Variants in ARFIP1 observed in about 807,000 individuals in gnomAD.
ARFIP1 encodes the protein ARF interacting protein 1, also known as arfaptin-1.
In ARFIP1, 24 loss-of-function variants were observed where a neutral mutation model predicts 42.5. That is an observed-to-expected ratio of 0.57 (90% confidence interval 0.41 to 0.80). The LOEUF is 0.80. ARFIP1 is among the 30% of genes least tolerant of loss of function. The pLI, the probability that ARFIP1 is intolerant of heterozygous loss-of-function variation, is 0.00. For missense variants in ARFIP1, 354 were observed against 434.0 expected, an observed-to-expected ratio of 0.82 and a Z score of 1.64; for synonymous variants, 141 against 153.7, an observed-to-expected ratio of 0.92 and a Z score of 0.61.
intron 2 of ARFIP1, among the ~76,000 whole-genome samples, chr4:152,847,121 G>GTTTTT (rs1561139273): frequency 1.5e-4 from 7 of 48,180 alleles, no homozygotes; most frequent in South Asian, 7.0e-4. Flanking sequence ...TTTTAGGTTT[G>GTTTTT]TTCTTTTTTT....
chr4:152,874,523 A>C (rs1735160730), intron 5 of ARFIP1, among the ~76,000 whole-genome samples: 1 of 152,226 alleles, frequency 6.6e-6, no homozygotes. Flanking sequence ...TGGGGTCTGC[A>C]TGACTCTCTG....
At chr4:152,822,282 A>G (rs1319963083) in intron 1 of ARFIP1, among the ~76,000 whole-genome samples, 1 of 150,046 alleles carries the variant, frequency 6.7e-6, no homozygotes, top group African/African-American at 2.5e-5. Flanking sequence ...AACAGACTAT[A>G]AAAGCAACAG....
intron 1 of ARFIP1, among the ~76,000 whole-genome samples, chr4:152,814,916 A>G (rs1332205616): frequency 1.3e-5 from 2 of 152,138 alleles, no homozygotes; most frequent in Non-Finnish European, 2.9e-5. Context: ...TTACTTTCTG[A>G]TACTTTCAGG....
intron 1 of ARFIP1, among the ~76,000 whole-genome samples, chr4:152,820,557 C>T (rs1403245185): frequency 1.3e-5 from 2 of 152,206 alleles, no homozygotes; most frequent in South Asian, 2.1e-4. Context: ...AACTTACAGT[C>T]GTAGTGGAAG....
chr4:152,781,399 G>C (rs1411429431), intron 1 of ARFIP1, among the ~76,000 whole-genome samples: 1 of 151,994 alleles, frequency 6.6e-6, no homozygotes, highest in African/African-American at 2.4e-5. Flanking sequence ...CTACCGCCTA[G>C]CTAATTTTTG....
chr4:152,820,743 T>C (rs142242224), intron 1 of ARFIP1, among the ~76,000 whole-genome samples: 206 of 152,296 alleles, frequency 1.4e-3, no homozygotes, highest in African/African-American at 4.4e-3. Context: ...TCTTCCAACA[T>C]TGGGAATTAC....
chr4:152,787,642 T>A (rs1351755423), intron 1 of ARFIP1, among the ~76,000 whole-genome samples: 1 of 152,244 alleles, frequency 6.6e-6, no homozygotes, highest in Non-Finnish European at 1.5e-5. Context: ...AGTGACACCT[T>A]TGCTTTTGGA....
At chr4:152,845,560 C>T (rs1035028642) in intron 2 of ARFIP1, among the ~76,000 whole-genome samples, 1 of 152,112 alleles carries the variant, frequency 6.6e-6, no homozygotes, top group Non-Finnish European at 1.5e-5. Context: ...AGACGCTTTT[C>T]AAAAGAAGAC....
intron 1 of ARFIP1, among the ~76,000 whole-genome samples, chr4:152,803,975 T>A (rs1446778374): frequency 7.3e-6 from 1 of 137,270 alleles, no homozygotes; most frequent in African/African-American, 2.7e-5. Context: ...ATAACATGTA[T>A]TATATATATT....
chr4:152,841,384 G>C (rs1293954491), intron 2 of ARFIP1, among the ~76,000 whole-genome samples: 1 of 152,196 alleles, frequency 6.6e-6, no homozygotes, highest in Admixed American at 6.5e-5. Context: ...TTCAATGTTA[G>C]TATTGAAATG....
At chr4:152,799,441 C>T (rs1006921271) in intron 1 of ARFIP1, among the ~76,000 whole-genome samples, 4 of 152,180 alleles carry the variant, frequency 2.6e-5, no homozygotes, top group Non-Finnish European at 5.9e-5. Flanking sequence ...GTACTAGGCA[C>T]AGTGTTTCTT....
chr4:152,900,800 G>A (rs761635135), intron 8 of ARFIP1, among the ~76,000 whole-genome samples: 10 of 152,144 alleles, frequency 6.6e-5, no homozygotes, highest in South Asian at 2.1e-4. Flanking sequence ...ACATGTTAGC[G>A]GTTGGGGACC....
chr4:152,796,731 T>G, intron 1 of ARFIP1: 1 of 802,950 alleles, frequency 1.2e-6, no homozygotes, highest in Non-Finnish European at 2.2e-6. Context: ...TTGCCTTCTT[T>G]GAACATTCTT....
At chr4:152,810,685 G>A (rs1271748771) in intron 1 of ARFIP1, among the ~76,000 whole-genome samples, 2 of 152,140 alleles carry the variant, frequency 1.3e-5, no homozygotes, top group South Asian at 4.1e-4. Flanking sequence ...GCGTGGTGGC[G>A]GGTGCCTGTA....
At chr4:152,853,565 T>C (rs932759882) in intron 2 of ARFIP1, among the ~76,000 whole-genome samples, 10 of 152,212 alleles carry the variant, frequency 6.6e-5, no homozygotes, top group African/African-American at 2.2e-4. Context: ...TTAGACACTT[T>C]TCTTGCTGTT....
At chr4:152,869,942 A>G (rs1291639338) in intron 3 of ARFIP1, among the ~76,000 whole-genome samples, 1 of 152,226 alleles carries the variant, frequency 6.6e-6, no homozygotes, top group Non-Finnish European at 1.5e-5. Context: ...GGCTTTTGCA[A>G]AAGAATAGAT....
At chr4:152,828,615 A>G (rs1169851339) in intron 1 of ARFIP1, among the ~76,000 whole-genome samples, 5 of 152,146 alleles carry the variant, frequency 3.3e-5, no homozygotes, top group Non-Finnish European at 7.3e-5. Flanking sequence ...TGTATATTTT[A>G]GATAACAGTC....
chr4:152,879,305 C>T (rs1191280390), intron 5 of ARFIP1, among the ~76,000 whole-genome samples: 1 of 151,844 alleles, frequency 6.6e-6, no homozygotes, highest in Non-Finnish European at 1.5e-5. Context: ...TTATTTTGTT[C>T]ATAGAAAAGA....
chr4:152,882,811 G>C lies in ARFIP1; in HGVS notation c.722G>C (p.Ser241Thr). 6.2e-7 allele frequency: 1 copy of C among 1,612,374 alleles called. No individual in the cohort carries two copies. The highest frequency in any genetic ancestry group is 8.5e-7 in the Non-Finnish European group (1 of 1,179,208). ...GGGGCCATTAATTTTTTCATTGCTAGTGTGAACACTTTGGTGAATAAAACC... is the reference window on the plus strand; with the variant it reads ...GGGGCCATTAATTTTTTCATTGCTACTGTGAACACTTTGGTGAATAAAACC... Reference protein sequence around the residue: ...LLGAINFFIASVNTLVNKTIE... With the variant: ...LLGAINFFIATVNTLVNKTIE... Residue 241 changes from serine to threonine, a missense_variant, in exon 7 of 9, where the codon AGT becomes ACT. By Grantham distance (58) the Ser-to-Thr change is moderately conservative. Coordinates refer to ENST00000353617, the MANE Select transcript of ARFIP1 (RefSeq NM_001025595.3).
Sources: gnomAD v4.1 joint callset for allele counts (sites outside exome capture counted in the v4.1 genomes callset) on GRCh38, gnomAD v4.1.1 for gene constraint, MANE v1.5 for transcripts, NCBI Gene and HGNC (gene_info 2026-07-23, HGNC 2026-07-21) for gene names.